IGBP1: variants seen among roughly 807,000 people sequenced by gnomAD.
The protein encoded by IGBP1 is immunoglobulin-binding protein 1.
Under a neutral mutation model 25.9 loss-of-function variants are expected in IGBP1, and 2 were observed. That is an observed-to-expected ratio of 0.08 (90% CI 0.03 to 0.24). The LOEUF (loss-of-function observed/expected upper bound fraction) is 0.24, where lower values mean the gene tolerates loss of function less well. Ranked by LOEUF, IGBP1 falls within the 10% of genes least tolerant of loss-of-function variation. The pLI is 1.00. For synonymous variants in IGBP1, 96 were observed against 93.4 expected (o/e 1.03, Z -0.16); for missense variants, 187 against 260.4 (o/e 0.72, Z 1.94).
chrX:70,143,188 C>G (rs943810584), intron 3 of IGBP1, among the ~76,000 whole-genome samples: 19 of 111,524 alleles, frequency 1.7e-4, no homozygotes, highest in African/African-American at 5.2e-4. Flanking sequence ...TCCCAAAGTG[C>G]TGGGATTACA....
At chrX:70,146,485 TG>T in intron 3 of IGBP1, 147 bp from the exon 4 acceptor site, 1 of 502,104 alleles carries the variant, frequency 2.0e-6, no homozygotes, top group Non-Finnish European at 3.5e-6. Context: ...TGGCTAATTC[TG>T]GGGTATAGAA....
chrX:70,154,716 A>G (rs1448914172), intron 6 of IGBP1, among the ~76,000 whole-genome samples: 1 of 86,475 alleles, frequency 1.2e-5, no homozygotes, highest in African/African-American at 5.8e-5. Flanking sequence ...CCTCTCCACA[A>G]AAAAAAAAAA....
chrX:70,146,526 A>G, intron 3 of IGBP1, 107 bp from the exon 4 acceptor site: 1 of 628,014 alleles, frequency 1.6e-6, no homozygotes, highest in Non-Finnish European at 2.6e-6. Context: ...GGAAATTGGT[A>G]TGCTTACTAC....
At chrX:70,137,751 CAAAAAAA>C (rs752550128) in intron 3 of IGBP1, among the ~76,000 whole-genome samples, 23 of 21,725 alleles carry the variant, frequency 1.1e-3, no homozygotes, top group East Asian at 1.7e-3. Context: ...AATAATTATA[CAAAAAAA>C]AAAAAAAAAA....
intron 6 of IGBP1, among the ~76,000 whole-genome samples, chrX:70,155,443 C>T (rs746686814): frequency 8.1e-5 from 8 of 99,039 alleles, no homozygotes; most frequent in African/African-American, 1.2e-4. Flanking sequence ...TGCAGTGAGC[C>T]GAGACCACAC....
chrX:70,135,750 A>G (rs1162596050), intron 3 of IGBP1, among the ~76,000 whole-genome samples: 1 of 111,422 alleles, frequency 9.0e-6, no homozygotes, highest in Non-Finnish European at 1.9e-5. Flanking sequence ...GAACACAAAG[A>G]GGGTGGTGGT....
intron 6 of IGBP1, among the ~76,000 whole-genome samples, chrX:70,152,477 C>T (rs867348643): frequency 9.4e-6 from 1 of 106,554 alleles, no homozygotes; most frequent in Non-Finnish European, 1.9e-5. Flanking sequence ...TGAAAAAAAA[C>T]AAACAGGAAA....
chrX:70,152,596 C>A (rs2085210103), intron 6 of IGBP1, among the ~76,000 whole-genome samples: 1 of 111,805 alleles, frequency 8.9e-6, no homozygotes, highest in African/African-American at 3.2e-5. Flanking sequence ...TATTTTTATC[C>A]TCAAGGGCAG....
chrX:70,148,784 C>T lies in IGBP1; in HGVS notation c.702C>T (p.Arg234=), dbSNP rs150665444. The stretch of plus-strand genomic sequence containing the variant: ...AGGCATCAACTTCTAACTCATCTCG[C>T]CAGGAGAGGCCTCCAGTGAAACCCT... ...SREASTSNSS[R]QERPPVKPFI... Residue 234 remains arginine (R), a synonymous_variant, in exon 5 of 7, where the codon CGC becomes CGT. Transcript: ENST00000356413. 2 of 1,201,823 alleles carry T rather than the reference C, an allele frequency of 1.7e-6. No homozygotes were observed. The highest frequency in any genetic ancestry group is 3.5e-5 in the African/African-American group (2 of 57,275).
intron 3 of IGBP1, among the ~76,000 whole-genome samples, chrX:70,143,586 A>G (rs1438434731): frequency 9.0e-6 from 1 of 111,602 alleles, no homozygotes; most frequent in Non-Finnish European, 1.9e-5. Flanking sequence ...CAGAAGGGTT[A>G]CAAGGATAGG....
At chrX:70,137,912 C>A (rs2085106065) in intron 3 of IGBP1, among the ~76,000 whole-genome samples, 1 of 106,587 alleles carries the variant, frequency 9.4e-6, no homozygotes, top group South Asian at 4.3e-4. Context: ...GCAGGTGGAT[C>A]CCTTGAGGTC....
intron 3 of IGBP1, among the ~76,000 whole-genome samples, chrX:70,138,849 TAAAC>T (rs1462570059): frequency 8.9e-6 from 1 of 112,314 alleles, no homozygotes; most frequent in African/African-American, 3.2e-5. Context: ...AGTAATGCCA[TAAAC>T]AAACATCTTT....
At chrX:70,158,165 G>T (rs2085251742) in intron 6 of IGBP1, among the ~76,000 whole-genome samples, 1 of 111,954 alleles carries the variant, frequency 8.9e-6, no homozygotes, top group African/African-American at 3.2e-5. Flanking sequence ...GTTGAAACTG[G>T]GAGGGATGAG....
intron 6 of IGBP1, among the ~76,000 whole-genome samples, chrX:70,157,912 A>G (rs1324209750): frequency 8.9e-6 from 1 of 112,322 alleles, no homozygotes; most frequent in African/African-American, 3.2e-5. Flanking sequence ...CGTATGTTGC[A>G]CTTCAGTGAA....
At chrX:70,155,890 T>G (rs1466337394) in intron 6 of IGBP1, among the ~76,000 whole-genome samples, 1 of 112,123 alleles carries the variant, frequency 8.9e-6, no homozygotes, top group Non-Finnish European at 1.9e-5. Context: ...ATAGCAGTCA[T>G]AAATGCATTT....
At chrX:70,145,812 C>T (rs894962324) in intron 3 of IGBP1, among the ~76,000 whole-genome samples, 2 of 112,512 alleles carry the variant, frequency 1.8e-5, no homozygotes, top group Admixed American at 1.9e-4. Flanking sequence ...TCACTGTCAT[C>T]TCTTCAGAGA....
intron 3 of IGBP1, among the ~76,000 whole-genome samples, chrX:70,137,751 C>CAAAAAAAAAAAAAA (rs752550128): frequency 1.4e-4 from 3 of 21,729 alleles, no homozygotes; most frequent in Admixed American, 5.3e-4. Flanking sequence ...AATAATTATA[C>CAAAAAAAAAAAAAA]AAAAAAAAAA....
chrX:70,164,471 G>T (rs1467258998), intron 6 of IGBP1, among the ~76,000 whole-genome samples: 1 of 112,090 alleles, frequency 8.9e-6, no homozygotes. Flanking sequence ...AAATTGGATT[G>T]TGGTGATAGT....
intron 6 of IGBP1, among the ~76,000 whole-genome samples, chrX:70,163,336 G>A (rs917453731): frequency 8.2e-5 from 9 of 110,388 alleles, no homozygotes; most frequent in African/African-American, 3.0e-4. Flanking sequence ...TGTGATTACA[G>A]GTGTGAGCCA....
Sources: gnomAD v4.1 joint callset for allele counts (sites outside exome capture counted in the v4.1 genomes callset) on GRCh38, gnomAD v4.1.1 for gene constraint, MANE v1.5 for transcripts, NCBI Gene and HGNC (gene_info 2026-07-23, HGNC 2026-07-21) for gene names.